The following GRM8 variants were observed in gnomAD, a reference collection of about 807,000 sequenced individuals.
GRM8 encodes glutamate metabotropic receptor 8, also known as metabotropic glutamate receptor 8.
A neutral mutation model predicts 87.2 loss-of-function variants in GRM8; 47 were observed. That is an observed-to-expected ratio of 0.54 (90% CI 0.43 to 0.69). GRM8 has a LOEUF of 0.69. Ranked by LOEUF, GRM8 falls within the 30% of genes least tolerant of loss-of-function variation. The pLI, the probability that GRM8 is intolerant of heterozygous loss-of-function variation, is 0.00. For synonymous variants in GRM8, 396 were observed against 404.5 expected, an observed-to-expected ratio of 0.98 and a Z score of 0.25; for missense variants, 1,019 against 1,139.2, an observed-to-expected ratio of 0.89 and a Z score of 1.52.
chr7:127,015,188 A>G (rs142082534), intron 3 of GRM8, among the ~76,000 whole-genome samples: 595 of 55,224 alleles, frequency 0.011, 23 homozygotes, highest in South Asian at 0.013. Context: ...GAAGAAGAAG[A>G]AGAAGAAGAA....
At chr7:126,732,695 C>G (rs751288276) in intron 7 of GRM8, among the ~76,000 whole-genome samples, 3 of 152,064 alleles carry the variant, frequency 2.0e-5, no homozygotes, top group Non-Finnish European at 4.4e-5. Context: ...TACAGCATAT[C>G]ACAAAACCCA....
intron 8 of GRM8, among the ~76,000 whole-genome samples, chr7:126,555,472 T>C (rs1793038036): frequency 6.6e-6 from 1 of 152,184 alleles, no homozygotes; most frequent in Non-Finnish European, 1.5e-5. Context: ...AGAAATATGA[T>C]CCAAACATAA....
chr7:126,757,106 T>C (rs1488235598), intron 7 of GRM8, among the ~76,000 whole-genome samples: 1 of 152,154 alleles, frequency 6.6e-6, no homozygotes, highest in Admixed American at 6.6e-5. Context: ...ATTTAAATAA[T>C]TGAATCTAAC....
intron 9 of GRM8, among the ~76,000 whole-genome samples, chr7:126,450,575 T>C (rs73442988): frequency 0.073 from 11,148 of 151,914 alleles, 650 homozygotes; most frequent in African/African-American, 0.17. Context: ...GGTTTTCTTT[T>C]GCTTTTTAGC....
chr7:126,610,070 A>G (rs1454547730), intron 7 of GRM8, among the ~76,000 whole-genome samples: 1 of 152,102 alleles, frequency 6.6e-6, no homozygotes, highest in Non-Finnish European at 1.5e-5. Context: ...GGAAGTCCCA[A>G]CTCTGCCCAG....
chr7:126,959,103 G>A (rs1213885342), intron 3 of GRM8, among the ~76,000 whole-genome samples: 1 of 152,130 alleles, frequency 6.6e-6, no homozygotes, highest in African/African-American at 2.4e-5. Flanking sequence ...AGTAACCCTG[G>A]GAAAAAGACT....
intron 3 of GRM8, among the ~76,000 whole-genome samples, chr7:127,070,692 A>G (rs1821586563): frequency 6.6e-6 from 1 of 152,202 alleles, no homozygotes; most frequent in Non-Finnish European, 1.5e-5. Context: ...CAAGCACATT[A>G]TATGTATAAA....
At chr7:126,613,979 C>A (rs75549253) in intron 7 of GRM8, among the ~76,000 whole-genome samples, 3 of 152,186 alleles carry the variant, frequency 2.0e-5, no homozygotes, top group African/African-American at 4.8e-5. Flanking sequence ...CAAAAGGCAG[C>A]AGACCTCTGC....
At chr7:127,079,618 T>C (rs1822639749) in intron 3 of GRM8, among the ~76,000 whole-genome samples, 1 of 152,206 alleles carries the variant, frequency 6.6e-6, no homozygotes, top group Non-Finnish European at 1.5e-5. Flanking sequence ...TTCTCTACCC[T>C]GCCTCAGCTT....
At chr7:126,749,044 C>A (rs1185667597) in intron 7 of GRM8, among the ~76,000 whole-genome samples, 2 of 152,040 alleles carry the variant, frequency 1.3e-5, no homozygotes, top group African/African-American at 4.8e-5. Flanking sequence ...GAGGCCAAGG[C>A]GGGTGGATCA....
intron 2 of GRM8, among the ~76,000 whole-genome samples, chr7:127,126,327 G>A (rs979821615): frequency 1.3e-5 from 2 of 151,918 alleles, no homozygotes; most frequent in African/African-American, 4.8e-5. Context: ...GTCTTTTGCA[G>A]CAACATGAAT....
intron 7 of GRM8, among the ~76,000 whole-genome samples, chr7:126,657,710 A>G (rs2237761): frequency 0.35 from 53,183 of 152,146 alleles, 10,498 homozygotes; most frequent in African/African-American, 0.51. Flanking sequence ...CTTTGTTTGC[A>G]TAAACCTAAT....
At chr7:126,915,330 C>T (rs1404396012) in intron 3 of GRM8, among the ~76,000 whole-genome samples, 2 of 152,192 alleles carry the variant, frequency 1.3e-5, no homozygotes, top group African/African-American at 4.8e-5. Flanking sequence ...CAACACATTA[C>T]GTTTTCCTCA....
intron 6 of GRM8, among the ~76,000 whole-genome samples, chr7:126,775,354 G>T (rs34309246): frequency 0.36 from 55,100 of 151,680 alleles, 11,524 homozygotes; most frequent in Non-Finnish European, 0.47. Flanking sequence ...GCTTTACATT[G>T]TGCTTTTCCC....
intron 3 of GRM8, among the ~76,000 whole-genome samples, chr7:126,921,493 C>A (rs1169903104): frequency 6.6e-6 from 1 of 151,590 alleles, no homozygotes; most frequent in African/African-American, 2.4e-5. Context: ...TATAAAATAC[C>A]AGCAAAAAGA....
intron 6 of GRM8, among the ~76,000 whole-genome samples, chr7:126,896,720 C>T (rs865948236): frequency 7.2e-5 from 11 of 152,086 alleles, no homozygotes; most frequent in African/African-American, 1.9e-4. Context: ...CATATTTGTG[C>T]GTTGCTTTTT....
intron 7 of GRM8, among the ~76,000 whole-genome samples, chr7:126,706,862 G>A (rs547432336): frequency 6.6e-6 from 1 of 152,256 alleles, no homozygotes; most frequent in South Asian, 2.1e-4. Context: ...TTATTCAATA[G>A]TTTTAATATA....
At chr7:126,773,723 T>G (rs1432332520) in intron 6 of GRM8, among the ~76,000 whole-genome samples, 2 of 152,118 alleles carry the variant, frequency 1.3e-5, no homozygotes, top group Non-Finnish European at 2.9e-5. Flanking sequence ...CAGCCTGGTG[T>G]GGTGGCTCAC....
intron 3 of GRM8, among the ~76,000 whole-genome samples, chr7:126,982,635 A>C (rs939189385): frequency 6.6e-6 from 1 of 152,218 alleles, no homozygotes; most frequent in African/African-American, 2.4e-5. Flanking sequence ...GGAAAAAGGA[A>C]ATGAAGATAT....
Sources: gnomAD v4.1 joint callset for allele counts (sites outside exome capture counted in the v4.1 genomes callset) on GRCh38, gnomAD v4.1.1 for gene constraint, MANE v1.5 for transcripts, NCBI Gene and HGNC (gene_info 2026-07-23, HGNC 2026-07-21) for gene names.